The following SHISA6 variants were observed in gnomAD, a reference collection of about 807,000 sequenced individuals.
The protein encoded by SHISA6 is protein shisa-6.
SHISA6 carries 22 observed loss-of-function variants against 47.9 expected under a neutral mutation model. The observed-to-expected ratio is 0.46, with a 90% CI of 0.33 to 0.66. The LOEUF is 0.66. Ranked by LOEUF, SHISA6 falls within the 30% of genes least tolerant of loss-of-function variation. SHISA6 has a pLI of 0.02. For missense variants in SHISA6, 680 were observed against 764.6 expected (o/e 0.89, Z 1.30); for synonymous variants, 388 against 337.8 (o/e 1.15, Z -1.63).
intron 3 of SHISA6, among the ~76,000 whole-genome samples, chr17:11,471,932 C>A (rs1054747811): frequency 3.3e-5 from 5 of 152,106 alleles, no homozygotes; most frequent in Non-Finnish European, 5.9e-5. Context: ...GATACACCTA[C>A]ATTTATAGAC....
intron 3 of SHISA6, among the ~76,000 whole-genome samples, chr17:11,469,080 G>T (rs1163679686): frequency 8.1e-6 from 1 of 122,740 alleles, no homozygotes; most frequent in Non-Finnish European, 1.7e-5. Context: ...ACTTTCCAAA[G>T]ACAGAAGACA....
intron 2 of SHISA6, among the ~76,000 whole-genome samples, chr17:11,363,248 T>C (rs1242780589): frequency 1.3e-5 from 2 of 151,834 alleles, no homozygotes; most frequent in South Asian, 2.1e-4. Flanking sequence ...TTTATTCTTA[T>C]GGGGTCAACT....
intron 2 of SHISA6, among the ~76,000 whole-genome samples, chr17:11,285,961 T>C (rs1988503): frequency 0.43 from 64,615 of 151,600 alleles, 14,093 homozygotes; most frequent in Middle Eastern, 0.5. Context: ...CTCAGCCTCC[T>C]GAATAGCTGG....
At chr17:11,447,947 G>A (rs911736855) in intron 3 of SHISA6, among the ~76,000 whole-genome samples, 1 of 152,196 alleles carries the variant, frequency 6.6e-6, no homozygotes, top group African/African-American at 2.4e-5. Flanking sequence ...CGGGCACTCC[G>A]TGGTGGAGTT....
At chr17:11,450,652 G>A (rs971655411) in intron 3 of SHISA6, among the ~76,000 whole-genome samples, 3 of 151,744 alleles carry the variant, frequency 2.0e-5, no homozygotes, top group Admixed American at 6.6e-5. Context: ...CCAAGATTGC[G>A]CCATTGCACT....
At chr17:11,413,787 G>A (rs994113521) in intron 3 of SHISA6, among the ~76,000 whole-genome samples, 13 of 152,092 alleles carry the variant, frequency 8.5e-5, no homozygotes, top group Non-Finnish European at 1.9e-4. Context: ...GGAACATTGC[G>A]TTGCCTCCTT....
intron 3 of SHISA6, among the ~76,000 whole-genome samples, chr17:11,549,043 CT>C (rs2071907227): frequency 2.0e-5 from 3 of 152,168 alleles, no homozygotes; most frequent in Non-Finnish European, 2.9e-5. Context: ...AGCCAATTGT[CT>C]CACACAATTG....
At chr17:11,314,830 G>T (rs1447268239) in intron 2 of SHISA6, among the ~76,000 whole-genome samples, 1 of 152,106 alleles carries the variant, frequency 6.6e-6, no homozygotes, top group African/African-American at 2.4e-5. Context: ...GTGAGCCACT[G>T]CACCTGGCCC....
At chr17:11,375,169 C>T (rs1259539717) in intron 2 of SHISA6, among the ~76,000 whole-genome samples, 2 of 152,010 alleles carry the variant, frequency 1.3e-5, no homozygotes, top group Non-Finnish European at 2.9e-5. Context: ...TTCTTTTGAT[C>T]GAAAGACTAA....
intron 2 of SHISA6, among the ~76,000 whole-genome samples, chr17:11,327,537 T>C (rs1910940457): frequency 6.6e-6 from 1 of 152,160 alleles, no homozygotes; most frequent in African/African-American, 2.4e-5. Flanking sequence ...CCAGTAATAC[T>C]GAAGGACCCA....
chr17:11,494,457 C>T (rs948501665), intron 3 of SHISA6, among the ~76,000 whole-genome samples: 1 of 152,160 alleles, frequency 6.6e-6, no homozygotes, highest in African/African-American at 2.4e-5. Flanking sequence ...GAATGTCCTC[C>T]GCAGTGCACC....
At chr17:11,523,732 G>A (rs956166535) in intron 3 of SHISA6, among the ~76,000 whole-genome samples, 6 of 152,146 alleles carry the variant, frequency 3.9e-5, no homozygotes, top group Admixed American at 1.3e-4. Flanking sequence ...ACGGCTGGGC[G>A]CAGTGACTCA....
intron 3 of SHISA6, among the ~76,000 whole-genome samples, chr17:11,404,571 T>TTATA (rs1913885812): frequency 6.6e-6 from 1 of 152,124 alleles, no homozygotes; most frequent in Non-Finnish European, 1.5e-5. Flanking sequence ...ACTCTACCAA[T>TTATA]TATAGACTGC....
intron 3 of SHISA6, among the ~76,000 whole-genome samples, chr17:11,441,753 A>G (rs4792137): frequency 0.33 from 50,479 of 152,014 alleles, 8,620 homozygotes; most frequent in Middle Eastern, 0.45. Context: ...AATATCCAGC[A>G]TCCTGCCACT....
In SHISA6 at chr17:11,329,328, C is replaced by T. The variant is rs182904820; in HGVS notation, c.800-50086C>T. ...GAGAAATTTTTACTAATTCCAACGT[C>T]GTTACATCTCTATCTTAAAAATGTA... On this transcript the variant is annotated intron_variant, in intron 2 of 5. Transcript: ENST00000441885. 6.6e-4 allele frequency among the ~76,000 whole-genome samples: 101 copies of T among 152,206 alleles called. No individual in the cohort carries two copies. In the East Asian group the frequency reaches 0.011, roughly 17 times the overall value.
chr17:11,340,503 G>T (rs1441529014), intron 2 of SHISA6, among the ~76,000 whole-genome samples: 1 of 152,210 alleles, frequency 6.6e-6, no homozygotes, highest in East Asian at 1.9e-4. Flanking sequence ...TCCCAGACTT[G>T]CTACAGCATT....
intron 1 of SHISA6, among the ~76,000 whole-genome samples, chr17:11,262,071 A>G (rs1301311752): frequency 6.6e-6 from 1 of 152,216 alleles, no homozygotes; most frequent in Non-Finnish European, 1.5e-5. Context: ...ATCTAGGTAT[A>G]TAATCCATTT....
intron 1 of SHISA6, among the ~76,000 whole-genome samples, chr17:11,257,939 A>AG (rs1908079156): frequency 6.6e-6 from 1 of 152,218 alleles, no homozygotes. Flanking sequence ...TTAGGTTTTC[A>AG]TCTGTGAAGA....
chr17:11,484,545 C>A (rs1000600804), intron 3 of SHISA6, among the ~76,000 whole-genome samples: 2 of 152,088 alleles, frequency 1.3e-5, no homozygotes, highest in Non-Finnish European at 2.9e-5. Flanking sequence ...GGATTACAGG[C>A]ATGCACTACC....
Sources: gnomAD v4.1 joint callset for allele counts (sites outside exome capture counted in the v4.1 genomes callset) on GRCh38, gnomAD v4.1.1 for gene constraint, MANE v1.5 for transcripts, NCBI Gene and HGNC (gene_info 2026-07-23, HGNC 2026-07-21) for gene names.